The following ARPC4 variants were observed in gnomAD, a reference collection of about 807,000 sequenced individuals.
ARPC4 encodes actin related protein 2/3 complex subunit 4.
Under a neutral mutation model 22.8 loss-of-function variants are expected in ARPC4, and 3 were observed. That is an observed-to-expected ratio of 0.13 (90% CI 0.06 to 0.34). The LOEUF (loss-of-function observed/expected upper bound fraction) is 0.34. Among genes scored for constraint, ARPC4 ranks in the 10% least tolerant of loss-of-function variants. The probability of loss-of-function intolerance (pLI) is 1.00; values close to 1 mark genes in which losing one functional copy is unlikely to be tolerated. For missense variants in ARPC4, 98 were observed against 211.0 expected (o/e 0.46, Z 3.32); for synonymous variants, 80 against 72.5 (o/e 1.10, Z -0.52).
At chr3:9,801,908 A>G in intron 4 of ARPC4, 152 bp downstream of exon 4, 2 of 877,914 alleles carry the variant, frequency 2.3e-6, no homozygotes, top group Non-Finnish European at 3.3e-6. Context: ...AAAGAGGATT[A>G]GAAGCTTAGG....
In ARPC4 at chr3:9,803,834, C is replaced by T. The variant is rs140740334; in HGVS notation, c.331-9C>T. The stretch of plus-strand genomic sequence containing the variant: ...TTCTCTTCCCCCTCCCTACTGTCTT[C>T]TTCCCTAGGGGTATGATATCAGCTT... On this transcript the variant is annotated splice_polypyrimidine_tract_variant and intron_variant, in intron 4 of 5. Transcript: ENST00000397261. 11 of 1,612,512 alleles carry T rather than the reference C, an allele frequency of 6.8e-6. No individual in the cohort carries two copies. The East Asian group carries it at 2.2e-4, about 33-fold the overall frequency.
intron 4 of ARPC4, among the ~76,000 whole-genome samples, chr3:9,803,180 G>A (rs1379911585): frequency 1.3e-5 from 2 of 152,222 alleles, no homozygotes; most frequent in Non-Finnish European, 2.9e-5. Context: ...ACCGCGCCCG[G>A]CCCACTGAAT....
Position 9,800,305 on chromosome 3 carries a change from A to G in ARPC4, c.234+9A>G, listed in dbSNP as rs6443266. ...GCATTGCTGTGAAACAGGTAAGTTCACCATGGAGGAGGCCCAACGTAAGGC... is the reference window on the plus strand; with the variant it reads ...GCATTGCTGTGAAACAGGTAAGTTCGCCATGGAGGAGGCCCAACGTAAGGC... On this transcript the variant is annotated intron_variant, in intron 3 of 5. Coordinates refer to ENST00000397261, the MANE Select transcript of ARPC4 (RefSeq NM_005718.5). 1,149,721 of 1,613,366 alleles carry G rather than the reference A, an allele frequency of 0.71. 411,661 individuals carry two copies. Among genetic ancestry groups the G allele is most frequent in the Middle Eastern group, 0.81 (4,885 of 6,022 alleles).
At chr3:9,800,343 T>G in intron 3 of ARPC4, 47 bp downstream of exon 3, 1 of 1,571,082 alleles carries the variant, frequency 6.4e-7, no homozygotes, top group Non-Finnish European at 8.7e-7. Context: ...CTTTCAGTCC[T>G]TTCAGCCTCT....
chr3:9,805,456 C>T (rs1014274421), intron 5 of ARPC4, among the ~76,000 whole-genome samples: 1 of 152,134 alleles, frequency 6.6e-6, no homozygotes, highest in Admixed American at 6.5e-5. Context: ...ATCCAAAGGT[C>T]GGGTAGCTAT....
chr3:9,796,940 CAAAAA>C (rs374104136), intron 1 of ARPC4, among the ~76,000 whole-genome samples: 1 of 114,724 alleles, frequency 8.7e-6, no homozygotes, highest in African/African-American at 3.4e-5. Context: ...GACTCTGTCT[CAAAAA>C]AAAAAAAAAA....
At chr3:9,805,084 AT>A (rs1321906101) in intron 5 of ARPC4, among the ~76,000 whole-genome samples, 1 of 152,220 alleles carries the variant, frequency 6.6e-6, no homozygotes, top group Non-Finnish European at 1.5e-5. Context: ...CACCACCAAA[AT>A]TTTATGGCCA....
intron 5 of ARPC4, among the ~76,000 whole-genome samples, chr3:9,805,989 A>C (rs7637785): frequency 0.22 from 34,162 of 152,104 alleles, 4,280 homozygotes; most frequent in East Asian, 0.56. Context: ...ATGGCTCTTA[A>C]TTTTTCTGCC....
chr3:9,796,610 T>C (rs528822968), intron 1 of ARPC4, among the ~76,000 whole-genome samples: 1 of 152,110 alleles, frequency 6.6e-6, no homozygotes. Flanking sequence ...ATACAAGGAC[T>C]GACCAGTGCA....
At chr3:9,793,237 G>C in intron 1 of ARPC4, 113 bp downstream of exon 1, 1 of 1,451,836 alleles carries the variant, frequency 6.9e-7, no homozygotes, top group South Asian at 1.3e-5. Flanking sequence ...ATGTCCGGGG[G>C]TTGTGGGGAC....
At chr3:9,803,736 A>G in intron 4 of ARPC4, 107 bp from the exon 5 acceptor site, 1 of 1,224,360 alleles carries the variant, frequency 8.2e-7, no homozygotes, top group Non-Finnish European at 1.2e-6. Context: ...GATCACAGCC[A>G]GTGGGAAGCA....
intron 4 of ARPC4, 132 bp from the exon 5 acceptor site, chr3:9,803,711 T>G: frequency 9.5e-7 from 1 of 1,054,686 alleles, no homozygotes; most frequent in East Asian, 2.4e-5. Context: ...TGGAAGGGTA[T>G]GTAGCTTGGG....
At chr3:9,792,692 G>A (rs2078769280), upstream of ARPC4, 2 of 1,233,522 alleles carry the variant, frequency 1.6e-6, no homozygotes, top group African/African-American at 1.5e-5. Context: ...CCCGCCGAGC[G>A]CCAGGAGCTG....
intron 3 of ARPC4, among the ~76,000 whole-genome samples, chr3:9,801,232 A>AAAAAAG: frequency 1.4e-5 from 2 of 148,052 alleles, no homozygotes; most frequent in Admixed American, 6.7e-5. Context: ...AAAAAAAAAA[A>AAAAAAG]AAAAAGAAAT....
chr3:9,799,687 C>T (rs781318347), intron 2 of ARPC4, among the ~76,000 whole-genome samples: 2 of 152,184 alleles, frequency 1.3e-5, no homozygotes, highest in Non-Finnish European at 2.9e-5. Context: ...AGGTGATCCA[C>T]CAGCCTCAGC....
At chr3:9,805,639 T>C (rs951469521) in intron 5 of ARPC4, among the ~76,000 whole-genome samples, 4 of 152,252 alleles carry the variant, frequency 2.6e-5, no homozygotes, top group African/African-American at 9.6e-5. Context: ...TTAAACACCA[T>C]GTGGGCCATG....
intron 4 of ARPC4, among the ~76,000 whole-genome samples, chr3:9,802,378 C>CTTTTTTTT (rs55659302): frequency 6.8e-6 from 1 of 146,546 alleles, no homozygotes. Context: ...GTCTCTCTCT[C>CTTTTTTTT]TTTTTTTTTT....
At position 9,804,237 on chromosome 3, in the gene ARPC4, G is replaced by A. The variant is rs114451905; in HGVS notation, c.501+224G>A. On this transcript the variant is annotated intron_variant, in intron 5 of 5. Transcript: ENST00000397261. Reference sequence around the variant, plus strand: ...TTTTCTATATTTGGGTGTCTGGGGTGGCTCTTAGTCTCTCGTAGGAACTTG... The same window carrying A: ...TTTTCTATATTTGGGTGTCTGGGGTAGCTCTTAGTCTCTCGTAGGAACTTG... 1,133 of 470,714 alleles carry A rather than the reference G, an allele frequency of 2.4e-3. 6 individuals are homozygous for A. The highest frequency in any genetic ancestry group is 0.017 in the African/African-American group (895 of 51,498). The allele number at this position is 470,714 out of a possible 1,614,324, so 29.2% of individuals were successfully genotyped here. A position where few individuals can be genotyped will look rare whatever the true frequency, so the allele number is the denominator to read the frequency against.
At chr3:9,792,983 C>T, upstream of ARPC4, 1 of 1,444,834 alleles carries the variant, frequency 6.9e-7, no homozygotes, top group Non-Finnish European at 9.1e-7. Flanking sequence ...TTCGTAAGGG[C>T]TCTCTACCCC....
Sources: gnomAD v4.1 joint callset for allele counts (sites outside exome capture counted in the v4.1 genomes callset) on GRCh38, gnomAD v4.1.1 for gene constraint, MANE v1.5 for transcripts, NCBI Gene and HGNC (gene_info 2026-07-23, HGNC 2026-07-21) for gene names.